SEMA3C: variants seen among roughly 807,000 people sequenced by gnomAD.
The protein encoded by SEMA3C is semaphorin-3C.
In SEMA3C, 47 loss-of-function variants were observed where a neutral mutation model predicts 89.4. The observed-to-expected ratio is 0.53, with a 90% CI of 0.42 to 0.67. The LOEUF (loss-of-function observed/expected upper bound fraction) is 0.67, where lower values mean the gene tolerates loss of function less well. Among genes scored for constraint, SEMA3C ranks in the 30% least tolerant of loss-of-function variants. The pLI is 0.00. For missense variants in SEMA3C, 839 were observed against 929.1 expected (o/e 0.90, Z 1.26); for synonymous variants, 310 against 320.2 (o/e 0.97, Z 0.34).
At chr7:80,809,032 C>T (rs986225326) in intron 6 of SEMA3C, among the ~76,000 whole-genome samples, 7 of 152,158 alleles carry the variant, frequency 4.6e-5, no homozygotes, top group African/African-American at 7.2e-5. Flanking sequence ...CCACCTCGGC[C>T]TCCCAAAGTG....
chr7:80,800,152 CAAAAA>C (rs1215573724), intron 10 of SEMA3C, among the ~76,000 whole-genome samples: 1 of 58,390 alleles, frequency 1.7e-5, no homozygotes, highest in Non-Finnish European at 3.7e-5. Context: ...GACTCCATCT[CAAAAA>C]AAAAAAAAAA....
intron 11 of SEMA3C, among the ~76,000 whole-genome samples, chr7:80,792,586 G>T: frequency 6.6e-6 from 1 of 152,142 alleles, no homozygotes. Flanking sequence ...TGAAATCCAG[G>T]TTAACAATTA....
At chr7:80,920,274 T>C (rs1792383160), upstream of SEMA3C, among the ~76,000 whole-genome samples, 4 of 152,172 alleles carry the variant, frequency 2.6e-5, no homozygotes, top group African/African-American at 9.7e-5. Context: ...TTGATCCCCA[T>C]AAAACAAGCA....
intron 2 of SEMA3C, among the ~76,000 whole-genome samples, chr7:80,891,209 C>T (rs1791603906): frequency 6.6e-6 from 1 of 152,140 alleles, no homozygotes; most frequent in Admixed American, 6.6e-5. Flanking sequence ...ACTGATTGTC[C>T]ATAAGTGAAA....
chr7:80,835,692 A>G (rs1790109667), intron 2 of SEMA3C, among the ~76,000 whole-genome samples: 1 of 152,176 alleles, frequency 6.6e-6, no homozygotes, highest in South Asian at 2.1e-4. Context: ...ATGTTATTAA[A>G]ACCATATTTG....
intron 12 of SEMA3C, among the ~76,000 whole-genome samples, chr7:80,767,608 A>G (rs1387778830): frequency 6.6e-6 from 1 of 152,212 alleles, no homozygotes; most frequent in East Asian, 1.9e-4. Flanking sequence ...TTAACTAGTG[A>G]GTTGGATCAT....
intron 2 of SEMA3C, among the ~76,000 whole-genome samples, chr7:80,839,168 C>T (rs1402309797): frequency 6.6e-6 from 1 of 152,122 alleles, no homozygotes; most frequent in African/African-American, 2.4e-5. Context: ...AAAATCTGAA[C>T]TTATCACTAA....
At position 80,752,450 on chromosome 7, in the gene SEMA3C, A is replaced by G. The variant is rs1017177403; in HGVS notation, c.1644-1114T>C. On this transcript the variant is annotated intron_variant, in intron 15 of 17. Transcript: ENST00000265361. ...CACAGTAAAACCCCGTCTCTACTAA[A>G]AATACAAAAATTAGCTGGGCATGGT... is the stretch of plus-strand genomic sequence containing the variant. Among the ~76,000 whole-genome samples the G allele has an allele frequency of 7.9e-5, 12 of 152,106 alleles. No individual in the cohort carries two copies. The South Asian group carries it at 1.9e-3, about 24-fold the overall frequency.
intron 7 of SEMA3C, among the ~76,000 whole-genome samples, chr7:80,805,220 C>T (rs1046972800): frequency 1.3e-5 from 2 of 152,050 alleles, no homozygotes; most frequent in African/African-American, 4.8e-5. Context: ...CCCGGCTATA[C>T]TCTGTTCATT....
chr7:80,817,154 A>G (rs1368785450), intron 5 of SEMA3C, among the ~76,000 whole-genome samples: 2 of 152,176 alleles, frequency 1.3e-5, no homozygotes, highest in African/African-American at 2.4e-5. Context: ...ATCTTGAACC[A>G]CATTAAAAAA....
chr7:80,806,646 G>C (rs1400598459), intron 6 of SEMA3C, among the ~76,000 whole-genome samples: 1 of 152,008 alleles, frequency 6.6e-6, no homozygotes, highest in East Asian at 1.9e-4. Flanking sequence ...TTTTCATCTA[G>C]TAAGGAGCAG....
intron 2 of SEMA3C, among the ~76,000 whole-genome samples, chr7:80,851,468 C>T (rs550762002): frequency 1.5e-5 from 2 of 135,362 alleles, no homozygotes; most frequent in African/African-American, 2.7e-5. Flanking sequence ...CGTGCCACTG[C>T]GCTCCAGCTG....
At chr7:80,791,464 T>C (rs1788939039) in intron 11 of SEMA3C, among the ~76,000 whole-genome samples, 1 of 152,212 alleles carries the variant, frequency 6.6e-6, no homozygotes, top group African/African-American at 2.4e-5. Context: ...GGTTTTCATT[T>C]ATCCTCTTTA....
chr7:80,858,557 G>GT (rs1203576069), intron 2 of SEMA3C, among the ~76,000 whole-genome samples: 1 of 152,176 alleles, frequency 6.6e-6, no homozygotes, highest in African/African-American at 2.4e-5. Flanking sequence ...AGGAATTCCA[G>GT]TTCCTATTTT....
At chr7:80,765,111 A>G (rs758255049) in intron 13 of SEMA3C, 44 bp downstream of exon 13, 1 of 1,302,860 alleles carries the variant, frequency 7.7e-7, no homozygotes, top group Admixed American at 2.0e-5. Context: ...AAAGAATTCC[A>G]CTCATCATGC....
chr7:80,919,615 C>T (rs185907952), upstream of SEMA3C, among the ~76,000 whole-genome samples: 1 of 151,172 alleles, frequency 6.6e-6, no homozygotes, highest in Admixed American at 6.6e-5. Context: ...GAGGGAATCT[C>T]ACTCTGTCGC....
chr7:80,754,970 TTG>T (rs910627988), intron 15 of SEMA3C, among the ~76,000 whole-genome samples: 2 of 144,702 alleles, frequency 1.4e-5, no homozygotes, highest in African/African-American at 5.2e-5. Flanking sequence ...TTTTTTTTTT[TTG>T]TATTTTTAGT....
intron 2 of SEMA3C, among the ~76,000 whole-genome samples, chr7:80,880,584 G>A (rs1791310774): frequency 6.6e-6 from 1 of 152,146 alleles, no homozygotes; most frequent in Admixed American, 6.6e-5. Context: ...CAACTGAAAT[G>A]TGTTCACTTT....
At chr7:80,776,274 C>CAA (rs796559281) in intron 12 of SEMA3C, among the ~76,000 whole-genome samples, 1 of 116,950 alleles carries the variant, frequency 8.6e-6, no homozygotes, top group African/African-American at 3.1e-5. Flanking sequence ...AAGTAAATTA[C>CAA]AAAAAAAAAA....
Sources: gnomAD v4.1 joint callset for allele counts (sites outside exome capture counted in the v4.1 genomes callset) on GRCh38, gnomAD v4.1.1 for gene constraint, MANE v1.5 for transcripts, NCBI Gene and HGNC (gene_info 2026-07-23, HGNC 2026-07-21) for gene names.